The following RAD54L2 variants were observed in gnomAD, a reference collection of about 807,000 sequenced individuals.
RAD54L2 encodes RAD54 like 2, also known as helicase ARIP4.
RAD54L2 carries 27 observed loss-of-function variants against 138.4 expected under a neutral mutation model. That is an observed-to-expected ratio of 0.20 (90% CI 0.14 to 0.27). The LOEUF is 0.27. RAD54L2 is among the 10% of genes least tolerant of loss of function. The pLI, the probability that RAD54L2 is intolerant of heterozygous loss-of-function variation, is 1.00. For missense variants in RAD54L2, 1,396 were observed against 1,890.2 expected (o/e 0.74, Z 4.85); for synonymous variants, 644 against 723.2 (o/e 0.89, Z 1.76).
intron 3 of RAD54L2, among the ~76,000 whole-genome samples, chr3:51,615,638 C>G (rs962986277): frequency 1.3e-5 from 2 of 152,120 alleles, no homozygotes; most frequent in Non-Finnish European, 1.5e-5. Context: ...GAAGGGAAGA[C>G]AGATGACAAA....
At chr3:51,547,134 C>T (rs1698718040) in intron 2 of RAD54L2, among the ~76,000 whole-genome samples, 1 of 152,004 alleles carries the variant, frequency 6.6e-6, no homozygotes, top group Non-Finnish European at 1.5e-5. Flanking sequence ...GTTGCTTGAC[C>T]CCAGGAGTTT....
intron 2 of RAD54L2, among the ~76,000 whole-genome samples, chr3:51,546,665 A>T (rs1342363690): frequency 6.6e-6 from 1 of 152,064 alleles, no homozygotes; most frequent in Non-Finnish European, 1.5e-5. Context: ...AAAAACACTG[A>T]GGCACTTTAA....
intron 3 of RAD54L2, among the ~76,000 whole-genome samples, chr3:51,625,494 A>G (rs1316745863): frequency 6.6e-6 from 1 of 152,178 alleles, no homozygotes; most frequent in East Asian, 1.9e-4. Flanking sequence ...GGAAAGAGGA[A>G]AATAGAAAAC....
chr3:51,587,304 G>A lies in RAD54L2; in HGVS notation c.-54-3063G>A, dbSNP rs1034685819. ...TTTTAGTAGAGACGGAGTTTCACAC[G>A]TGTTAGCCAGGATGGTTTTGATCTC... is the stretch of plus-strand genomic sequence containing the variant. On this transcript the variant is annotated intron_variant, in intron 2 of 22. Transcript: ENST00000684192. Among the ~76,000 whole-genome samples the A allele has an allele frequency of 2.6e-5, 4 of 152,012 alleles. No individual in the cohort carries two copies. The East Asian group carries it at 7.7e-4, about 29-fold the overall frequency.
At chr3:51,563,308 C>T (rs1699140959) in intron 2 of RAD54L2, among the ~76,000 whole-genome samples, 1 of 152,314 alleles carries the variant, frequency 6.6e-6, no homozygotes, top group Admixed American at 6.5e-5. Flanking sequence ...ATTTTGGCAC[C>T]TGGCTGTATT....
chr3:51,612,707 A>C (rs1025327344), intron 3 of RAD54L2, among the ~76,000 whole-genome samples: 6 of 152,018 alleles, frequency 3.9e-5, no homozygotes, highest in South Asian at 2.1e-4. Context: ...AAAAAAAAAA[A>C]AACCTGTAAT....
At chr3:51,580,986 CTA>C (rs1699594709) in intron 2 of RAD54L2, among the ~76,000 whole-genome samples, 1 of 152,052 alleles carries the variant, frequency 6.6e-6, no homozygotes. Context: ...TTTATTTGTA[CTA>C]GATACCAATT....
intron 2 of RAD54L2, among the ~76,000 whole-genome samples, chr3:51,564,887 A>T (rs1699178921): frequency 1.3e-5 from 2 of 152,202 alleles, no homozygotes; most frequent in Non-Finnish European, 2.9e-5. Flanking sequence ...TGTTATTTAT[A>T]TGTTAGGATG....
intron 2 of RAD54L2, among the ~76,000 whole-genome samples, chr3:51,543,915 T>A (rs1233339199): frequency 6.6e-6 from 1 of 152,212 alleles, no homozygotes; most frequent in Non-Finnish European, 1.5e-5. Context: ...AAGCCTTCCT[T>A]GATTGCCTCC....
intron 3 of RAD54L2, among the ~76,000 whole-genome samples, chr3:51,605,039 C>T (rs1700150185): frequency 1.3e-5 from 2 of 151,614 alleles, no homozygotes; most frequent in South Asian, 2.1e-4. Context: ...CTTCCTGCCT[C>T]AGCCTCCCGA....
In RAD54L2 at chr3:51,639,481, G is replaced by T; in HGVS notation, c.1923G>T (p.Gln641His). Residue 641 changes from glutamine to histidine, a missense_variant, in exon 13 of 23, where the codon CAG (glutamine) becomes CAT (histidine). By Grantham distance (24) the Gln-to-His change is conservative. Around this residue, in one of 7 missense-constraint regions of RAD54L2, gnomAD observed 211 missense variants for 273.8 expected, o/e 0.77. Coordinates refer to ENST00000684192, the MANE Select transcript of RAD54L2 (RefSeq NM_015106.4). ...AGAAGGAGAGCTTGGCCAATGAGCA[G>T]GACCTAGACGTGGAAGAACTTGGCT... Reference protein sequence around the residue: ...ALQKESLANEQDLDVEELGSA... With the variant: ...ALQKESLANEHDLDVEELGSA... 6.2e-7 allele frequency: 1 copy of T among 1,613,988 alleles called. No individual in the cohort carries two copies. The highest frequency in any genetic ancestry group is 8.5e-7 in the Non-Finnish European group (1 of 1,179,886).
intron 3 of RAD54L2, among the ~76,000 whole-genome samples, chr3:51,604,094 T>C (rs1259875061): frequency 6.6e-6 from 1 of 152,170 alleles, no homozygotes; most frequent in Non-Finnish European, 1.5e-5. Context: ...GTTTTGAAGA[T>C]AGAGCTAATA....
At chr3:51,622,261 G>C (rs1472425048) in intron 3 of RAD54L2, among the ~76,000 whole-genome samples, 1 of 152,136 alleles carries the variant, frequency 6.6e-6, no homozygotes, top group Non-Finnish European at 1.5e-5. Flanking sequence ...ATGGCCCTTT[G>C]TTTCCTCAGC....
At chr3:51,580,280 G>A (rs1364010036) in intron 2 of RAD54L2, among the ~76,000 whole-genome samples, 2 of 152,208 alleles carry the variant, frequency 1.3e-5, no homozygotes, top group African/African-American at 4.8e-5. Context: ...CTCAGGAACG[G>A]TGAAGTGGAA....
Position 51,663,060 on chromosome 3 carries a change from GCCAGCA to G in RAD54L2, c.4045_4050del (p.Pro1349_Ala1350del), listed in dbSNP as rs775249665. 1.2e-5 allele frequency: 20 copies of G among 1,613,852 alleles called. No homozygotes were observed. In the African/African-American group the frequency reaches 2.7e-4, roughly 22 times the overall value. ...TTCCAGTGACTACTGACCCTCTGGTGCCAGCAGGCCCCGTCAGTTCCTCTTCCACGG... is the reference window on the plus strand; with the variant it reads ...TTCCAGTGACTACTGACCCTCTGGTGGGCCCCGTCAGTTCCTCTTCCACGG... On this transcript the variant is annotated inframe_deletion, in exon 23 of 23. Transcript: ENST00000684192.
chr3:51,655,273 G>A (rs1035800263), intron 19 of RAD54L2, among the ~76,000 whole-genome samples: 30 of 152,016 alleles, frequency 2.0e-4, no homozygotes, highest in African/African-American at 6.5e-4. Flanking sequence ...TGTAGACAGG[G>A]ACTTTTCAAA....
chr3:51,570,207 G>A (rs545899552), intron 2 of RAD54L2, among the ~76,000 whole-genome samples: 2 of 145,492 alleles, frequency 1.4e-5, no homozygotes, highest in East Asian at 2.0e-4. Flanking sequence ...GCAGTGGCGC[G>A]ATCTCAGCTC....
Position 51,637,293 on chromosome 3 carries a change from C to G in RAD54L2, c.1472C>G (p.Thr491Ser). The G allele has an allele frequency of 1.9e-6, 3 of 1,612,542 alleles. No individual in the cohort carries two copies. The highest frequency in any genetic ancestry group is 2.5e-6 in the Non-Finnish European group (3 of 1,179,342). The change falls in exon 11 of 23, where the codon ACT (threonine) becomes AGT (serine). Residue 491 changes from threonine (T) to serine (S), a missense_variant. This residue lies in a region of RAD54L2 where 36 missense variants were observed against 107.2 expected (regional missense o/e 0.34). Coordinates refer to ENST00000684192, the MANE Select transcript of RAD54L2 (RefSeq NM_015106.4). This position sits in a 1 kb window ranked among gnomAD's most constrained non-coding sequence, Gnocchi z 5.9. ...CGCTCTCGCCGCCGGGTGGTGCTGA[C>G]TGGGTACCCTCTGCAAAACAACCTC... ...NIRSRRRVVL[T>S]GYPLQNNLIE...
chr3:51,656,301 G>A, intron 20 of RAD54L2, 131 bp downstream of exon 20: 1 of 814,204 alleles, frequency 1.2e-6, no homozygotes, highest in Non-Finnish European at 1.8e-6. Context: ...TAAAAAATAG[G>A]GAAGACAACA....
Sources: allele counts gnomAD v4.1 joint callset (sites outside exome capture counted in the v4.1 genomes callset), GRCh38; gene constraint gnomAD v4.1.1; regional missense constraint gnomAD v4.1.1; non-coding constraint Gnocchi (gnomAD v3.1); transcripts MANE v1.5; gene names NCBI Gene and HGNC (gene_info 2026-07-23, HGNC 2026-07-21).